PCDHA5: variants seen among roughly 807,000 people sequenced by gnomAD.
The protein encoded by PCDHA5 is protocadherin alpha-5.
PCDHA5 carries 43 observed loss-of-function variants against 61.6 expected under a neutral mutation model. The observed-to-expected ratio is 0.70, with a 90% confidence interval of 0.55 to 0.90. The LOEUF (loss-of-function observed/expected upper bound fraction) is 0.90. Ranked by LOEUF, PCDHA5 falls within the 40% of genes least tolerant of loss-of-function variation. The pLI is 0.00. For missense variants in PCDHA5, 1,298 were observed against 1,222.7 expected (o/e 1.06, Z -0.92); for synonymous variants, 627 against 543.9 (o/e 1.15, Z -2.13).
At chr5:140,918,766 C>T (rs1387250517) in intron 1 of PCDHA5, among the ~76,000 whole-genome samples, 2 of 152,170 alleles carry the variant, frequency 1.3e-5, no homozygotes, top group Non-Finnish European at 2.9e-5. Flanking sequence ...GGTGCCTTGC[C>T]TCTTTCACCA....
Position 140,857,393 on chromosome 5 carries a change from G to C in PCDHA5, c.2352+33266G>C, listed in dbSNP as rs146099067. On this transcript the variant is annotated intron_variant, in intron 1 of 3. Coordinates refer to ENST00000529859, the MANE Select transcript of PCDHA5 (RefSeq NM_018908.3). The stretch of plus-strand genomic sequence containing the variant: ...GTCTGTGGAGGTGGCCGACGTGAAC[G>C]ACAACGCGCCTGCGTTCGCGCAGTC... The C allele has an allele frequency of 3.2e-4, 519 of 1,598,492 alleles. 32 individuals carry two copies. In the African/African-American group the frequency reaches 5.9e-3, roughly 18 times the overall value.
intron 1 of PCDHA5, chr5:140,868,100 ATTTAT>A (rs2153230738): frequency 1.3e-5 from 2 of 152,260 alleles, no homozygotes; most frequent in South Asian, 2.1e-4. Context: ...TGATAATAAA[ATTTAT>A]TTTATAGTTG....
intron 3 of PCDHA5, among the ~76,000 whole-genome samples, chr5:140,992,691 G>A (rs373170347): frequency 9.3e-4 from 142 of 152,244 alleles, no homozygotes; most frequent in Middle Eastern, 3.4e-3. Context: ...GGGTTGAGGG[G>A]TGGGTAATGT....
chr5:140,990,562 C>T (rs2097400496), intron 3 of PCDHA5, among the ~76,000 whole-genome samples: 1 of 152,210 alleles, frequency 6.6e-6, no homozygotes, highest in Non-Finnish European at 1.5e-5. Context: ...CAAGAACACA[C>T]ACCTGTTCGA....
chr5:140,908,493 G>T (rs545927854), intron 1 of PCDHA5, among the ~76,000 whole-genome samples: 14 of 152,270 alleles, frequency 9.2e-5, no homozygotes, highest in African/African-American at 3.4e-4. Flanking sequence ...AGTTCAGGTT[G>T]CTTGGTGACT....
At position 140,914,532 on chromosome 5, in the gene PCDHA5, A is replaced by G. The variant is rs1440968686; in HGVS notation, c.2353-64417A>G. ...GTCATGTTTTTTCATCCATTCAGCC[A>G]CTTTATTTCTTTTTATTGGAGAGTT... On this transcript the variant is annotated intron_variant, in intron 1 of 3. Coordinates refer to ENST00000529859, the MANE Select transcript of PCDHA5 (RefSeq NM_018908.3). Among the ~76,000 whole-genome samples the G allele has an allele frequency of 3.3e-5, 5 of 152,070 alleles. 1 individual carries two copies. Among genetic ancestry groups the G allele is most frequent in the Admixed American group, 3.3e-4 (5 of 15,252 alleles).
At chr5:140,861,307 G>T in intron 1 of PCDHA5, 2 of 192,584 alleles carry the variant, frequency 1.0e-5, no homozygotes, top group South Asian at 9.6e-5. Flanking sequence ...AAGCGGGAAA[G>T]GACCAGTTCC....
chr5:140,851,063 G>T, intron 1 of PCDHA5: 3 of 1,372,672 alleles, frequency 2.2e-6, no homozygotes, highest in Non-Finnish European at 2.9e-6. Flanking sequence ...TTGACTTCTA[G>T]TGAGAATTAT....
At chr5:140,834,242 C>T in intron 1 of PCDHA5, 8 of 829,662 alleles carry the variant, frequency 9.6e-6, no homozygotes, top group Non-Finnish European at 1.5e-5. Flanking sequence ...TTCCTTTTCG[C>T]ACTGGAAAGA....
intron 1 of PCDHA5, among the ~76,000 whole-genome samples, chr5:140,905,031 T>G (rs2071545933): frequency 6.6e-6 from 1 of 152,228 alleles, no homozygotes. Flanking sequence ...GCAGAAGCTT[T>G]TTAGTTTAAT....
rs554327220 is a variant in PCDHA5 at position 140,980,560 on chromosome 5, G to T, written c.2411+1553G>T. Reference sequence around the variant, plus strand: ...CAGGAGAATCGCTTGAACCCGGGAGGCGGAAGTTGCAGTGAGCCAAGATCG... The same window carrying T: ...CAGGAGAATCGCTTGAACCCGGGAGTCGGAAGTTGCAGTGAGCCAAGATCG... On this transcript the variant is annotated intron_variant, in intron 2 of 3. Coordinates refer to ENST00000529859, the MANE Select transcript of PCDHA5 (RefSeq NM_018908.3). Among the ~76,000 whole-genome samples the T allele has an allele frequency of 1.6e-4, 25 of 152,244 alleles. No individual in the cohort carries two copies. The East Asian group carries it at 4.6e-3, about 28-fold the overall frequency.
intron 1 of PCDHA5, among the ~76,000 whole-genome samples, chr5:140,935,942 G>A (rs2090659965): frequency 6.8e-6 from 1 of 147,088 alleles, no homozygotes; most frequent in Non-Finnish European, 1.5e-5. Flanking sequence ...GCCCAGGCTG[G>A]AGTAAAGTGG....
At chr5:140,874,970 G>A (rs186825854) in intron 1 of PCDHA5, among the ~76,000 whole-genome samples, 1 of 152,280 alleles carries the variant, frequency 6.6e-6, no homozygotes, top group Admixed American at 6.5e-5. Flanking sequence ...AAGGGGAGGG[G>A]TGCTGTATAT....
chr5:140,876,774 G>T (rs370558767), intron 1 of PCDHA5: 28 of 1,614,110 alleles, frequency 1.7e-5, no homozygotes, highest in Non-Finnish European at 2.3e-5. Flanking sequence ...GCTCGCCTTC[G>T]CTGTGGGCCA....
intron 1 of PCDHA5, among the ~76,000 whole-genome samples, chr5:140,913,844 A>G (rs1554196074): frequency 1.3e-5 from 2 of 152,194 alleles, no homozygotes; most frequent in African/African-American, 2.4e-5. Flanking sequence ...CCCACTGGTC[A>G]TTCAGGAGCA....
At chr5:140,857,171 G>A in intron 1 of PCDHA5, 1 of 1,598,424 alleles carries the variant, frequency 6.3e-7, no homozygotes, top group South Asian at 1.1e-5. Flanking sequence ...CAGCGTTTCT[G>A]ACCATGATTC....
At chr5:140,876,928 A>C in intron 1 of PCDHA5, 1 of 1,613,812 alleles carries the variant, frequency 6.2e-7, no homozygotes, top group Non-Finnish European at 8.5e-7. Flanking sequence ...GGACGCGCAG[A>C]AGAACGCGCT....
chr5:140,857,392 C>G (rs142727326), intron 1 of PCDHA5: 2 of 1,598,470 alleles, frequency 1.3e-6, no homozygotes, highest in African/African-American at 1.3e-5. Flanking sequence ...CCGACGTGAA[C>G]GACAACGCGC....
At position 140,903,003 on chromosome 5, in the gene PCDHA5, A is replaced by C. The variant is rs115622636; in HGVS notation, c.2353-75946A>C. On this transcript the variant is annotated intron_variant, in intron 1 of 3. Transcript: ENST00000529859. ...TGGTTCCATATTTTTGCAATTGTGAATTGTGCTGCTATCAACATGGCTTGC... is the reference window on the plus strand; with the variant it reads ...TGGTTCCATATTTTTGCAATTGTGACTTGTGCTGCTATCAACATGGCTTGC... Among the ~76,000 whole-genome samples the C allele has an allele frequency of 4.6e-3, 703 of 152,302 alleles. 3 individuals are homozygous for C. The highest frequency in any genetic ancestry group is 0.016 in the African/African-American group (680 of 41,574).
Sources: allele counts gnomAD v4.1 joint callset (sites outside exome capture counted in the v4.1 genomes callset), GRCh38; gene constraint gnomAD v4.1.1; transcripts MANE v1.5; gene names NCBI Gene and HGNC (gene_info 2026-07-23, HGNC 2026-07-21).